Variants in RPL39 observed in about 807,000 individuals in gnomAD.
RPL39 encodes the protein large ribosomal subunit protein eL39.
For missense variants in RPL39, 6 were observed against 37.2 expected, an observed-to-expected ratio of 0.16 and a Z score of 2.18; for synonymous variants, 8 against 11.4, an observed-to-expected ratio of 0.70 and a Z score of 0.60.
intron 2 of RPL39, 152 bp from the exon 3 acceptor site, chrX:119,786,884 T>C (rs1308963300): frequency 2.2e-6 from 1 of 457,946 alleles, no homozygotes; most frequent in East Asian, 3.7e-5. Flanking sequence ...GTAAAAAAAA[T>C]AATTCCCTAT....
At position 119,786,714 on chromosome X, in the gene RPL39, T is replaced by C. The variant is rs139139562; in HGVS notation, c.126A>G (p.Arg42=). 8.1e-3 allele frequency: 9,760 copies of C among 1,203,916 alleles called. 44 individuals carry two copies. The highest frequency in any genetic ancestry group is 9.5e-3 in the Non-Finnish European group (8,467 of 890,369). ...GNKIRYNSKR[R]HWRRTKLGL ...GACCCAGCTTGGTTCTTCTCCAATG[T>C]CTCCTTTTGGAGTTGTACCTACACA... The change falls in exon 3 of 3, where the codon AGA becomes AGG. Residue 42 remains arginine, a synonymous_variant. Coordinates refer to ENST00000361575, the MANE Select transcript of RPL39 (RefSeq NM_001000.4).
At chrX:119,786,983 C>G (rs2055669648) in intron 2 of RPL39, among the ~76,000 whole-genome samples, 1 of 112,029 alleles carries the variant, frequency 8.9e-6, no homozygotes, top group South Asian at 3.6e-4. Context: ...GTGGCGAAGC[C>G]CACTCTCTCC....
chrX:119,788,547 A>G (rs2055680870), intron 2 of RPL39, among the ~76,000 whole-genome samples: 1 of 107,216 alleles, frequency 9.3e-6, no homozygotes, highest in African/African-American at 3.5e-5. Context: ...AAAAAAAAAG[A>G]GAAAGTGCTT....
chrX:119,786,726 G>A lies in RPL39; in HGVS notation c.114C>T (p.Asn38=). The A allele has an allele frequency of 8.3e-7, 1 of 1,205,164 alleles. No homozygotes were observed. The highest frequency in any genetic ancestry group is 3.0e-5 in the East Asian group (1 of 33,822). ...TTCTTCTCCAATGTCTCCTTTTGGA[G>A]TTGTACCTACACAGAAAAAAATGTC... is the stretch of plus-strand genomic sequence containing the variant. ...RMKTGNKIRY[N]SKRRHWRRTK... The change falls in exon 3 of 3, where the codon AAC becomes AAT. Residue 38 remains asparagine (N), a synonymous_variant. Coordinates refer to ENST00000361575, the MANE Select transcript of RPL39 (RefSeq NM_001000.4).
chrX:119,787,712 C>T (rs993258616), intron 2 of RPL39, among the ~76,000 whole-genome samples: 7 of 111,065 alleles, frequency 6.3e-5, no homozygotes, highest in Non-Finnish European at 1.3e-4. Flanking sequence ...ATGCAGCGGC[C>T]GGATCACAGC....
At chrX:119,791,047 G>A (rs770596280) in intron 1 of RPL39, 106 of 125,012 alleles carry the variant, frequency 8.5e-4, no homozygotes, top group Admixed American at 1.5e-3. Flanking sequence ...CCTTGTTCTA[G>A]GCGCTTCCAC....
rs2055699598 is a variant in RPL39, at chrX:119,791,292, A to T, written c.3+282T>A. 2.8e-5 allele frequency: 8 copies of T among 283,110 alleles called. No homozygotes were observed. In the East Asian group the frequency reaches 4.3e-4, roughly 15 times the overall value. The allele number at this position is 283,110 out of a possible 1,213,427, so 23.3% of individuals were successfully genotyped here. A position where few individuals can be genotyped will look rare whatever the true frequency, so the allele number is the denominator to read the frequency against. On this transcript the variant is annotated intron_variant, in intron 1 of 2. Coordinates refer to ENST00000361575, the MANE Select transcript of RPL39 (RefSeq NM_001000.4). ...CTCCAGAACGAGTTCGCTACAAGCGAAGGGAAACCGGAATCCCTGCCCGAC... is the reference window on the plus strand; with the variant it reads ...CTCCAGAACGAGTTCGCTACAAGCGTAGGGAAACCGGAATCCCTGCCCGAC...
intron 2 of RPL39, 152 bp downstream of exon 2, chrX:119,789,756 T>G: frequency 2.3e-6 from 1 of 431,895 alleles, no homozygotes; most frequent in Admixed American, 3.8e-5. Context: ...ACAAAGGAAG[T>G]ACGTTTTTAA....
intron 2 of RPL39, 64 bp from the exon 3 acceptor site, chrX:119,786,796 C>T: frequency 1.1e-6 from 1 of 923,672 alleles, no homozygotes; most frequent in Non-Finnish European, 1.6e-6. Flanking sequence ...TTCCCATTCA[C>T]ATAACCTTTT....
intron 1 of RPL39, chrX:119,790,805 G>C (rs958888289): frequency 4.5e-5 from 5 of 110,571 alleles, no homozygotes; most frequent in African/African-American, 1.6e-4. Context: ...ACATACCCTT[G>C]CATAATAATG....
Position 119,791,561 on chromosome X carries a change from C to T in RPL39, c.3+13G>A. ...GAAGCCACCCCGGGGCCGATGGGGG[C>T]CGATGGACTTACCATGGCGAGCAGC... On this transcript the variant is annotated intron_variant, in intron 1 of 2. Coordinates refer to ENST00000361575, the MANE Select transcript of RPL39 (RefSeq NM_001000.4). The T allele has an allele frequency of 9.4e-6, 11 of 1,169,771 alleles. No homozygotes were observed. Among genetic ancestry groups the T allele is most frequent in the Non-Finnish European group, 1.3e-5 (11 of 873,097 alleles).
intron 2 of RPL39, among the ~76,000 whole-genome samples, chrX:119,786,933 A>C (rs2055669210): frequency 8.9e-6 from 1 of 112,015 alleles, no homozygotes; most frequent in Non-Finnish European, 1.9e-5. Flanking sequence ...TATCCTCTCA[A>C]AATAATTTGA....
intron 2 of RPL39, among the ~76,000 whole-genome samples, chrX:119,789,278 C>G (rs955702027): frequency 9.0e-6 from 1 of 111,376 alleles, no homozygotes; most frequent in East Asian, 2.8e-4. Context: ...AAACAAAGGC[C>G]GGGCACAATG....
At chrX:119,787,306 G>A (rs768858278) in intron 2 of RPL39, 2 of 356,144 alleles carry the variant, frequency 5.6e-6, no homozygotes, top group African/African-American at 5.2e-5. Flanking sequence ...CTTTACAATC[G>A]ATCAACTCCT....
At chrX:119,787,223 G>A in intron 2 of RPL39, 3 of 270,680 alleles carry the variant, frequency 1.1e-5, no homozygotes, top group South Asian at 7.8e-5. Flanking sequence ...GCTGGACTTC[G>A]AGATCCACCC....
intron 2 of RPL39, among the ~76,000 whole-genome samples, chrX:119,789,028 G>A (rs1364646973): frequency 9.0e-6 from 1 of 111,643 alleles, no homozygotes; most frequent in Non-Finnish European, 1.9e-5. Flanking sequence ...ACTTTGGTAG[G>A]GTGAGACAGG....
intron 2 of RPL39, among the ~76,000 whole-genome samples, chrX:119,789,543 C>T (rs1301001191): frequency 9.0e-6 from 1 of 110,815 alleles, no homozygotes; most frequent in African/African-American, 3.3e-5. Context: ...GGTAACAGAG[C>T]GAGACTCCGT....
At position 119,786,653 on chromosome X, in the gene RPL39, T is replaced by C. The variant is rs2055667534; in HGVS notation, c.*31A>G. The stretch of plus-strand genomic sequence containing the variant: ...ACATGATCGTGACCTTCAGACAGCA[T>C]AAATATGTGTGCCATCTCATGTGCA... On this transcript the variant is annotated 3_prime_UTR_variant, in exon 3 of 3. Transcript: ENST00000361575. 1 of 1,092,231 alleles carries C rather than the reference T, an allele frequency of 9.2e-7. No individual in the cohort carries two copies. Among genetic ancestry groups the C allele is most frequent in the Admixed American group, 2.3e-5 (1 of 44,041 alleles). The allele number at this position is 1,092,231 out of a possible 1,213,427, so 90.0% of individuals were successfully genotyped here.
chrX:119,789,979 G>C lies in RPL39; in HGVS notation c.36C>G (p.Phe12Leu). Residue 12 changes from phenylalanine to leucine, a missense_variant, in exon 2 of 3, where the codon TTC becomes TTG. Transcript: ENST00000361575. Reference sequence around the variant, plus strand: ...GATTTTGCTTTTGTTTCTTGGCCAGGAATCGCTTAATCCTGAAAGTCTTGT... The same window carrying C: ...GATTTTGCTTTTGTTTCTTGGCCAGCAATCGCTTAATCCTGAAAGTCTTGT... ...SSHKTFRIKR[F>L]LAKKQKQNRP... 1 of 1,178,170 alleles carries C rather than the reference G, an allele frequency of 8.5e-7. No individual in the cohort carries two copies. The highest frequency in any genetic ancestry group is 1.8e-5 in the South Asian group (1 of 56,243).
Sources: gnomAD v4.1 joint callset for allele counts (sites outside exome capture counted in the v4.1 genomes callset) on GRCh38, gnomAD v4.1.1 for gene constraint, MANE v1.5 for transcripts, NCBI Gene and HGNC (gene_info 2026-07-23, HGNC 2026-07-21) for gene names.